The following ZNF174 variants were observed in gnomAD, a reference collection of about 807,000 sequenced individuals.
ZNF174 encodes the protein zinc finger protein 174.
Under a neutral mutation model 38.7 loss-of-function variants are expected in ZNF174, and 30 were observed. That is an observed-to-expected ratio of 0.78 (90% CI 0.58 to 1.05). ZNF174 has a LOEUF of 1.05. ZNF174 is among the 50% of genes least tolerant of loss of function. The pLI is 0.00. For missense variants in ZNF174, 499 were observed against 495.6 expected, an observed-to-expected ratio of 1.01 and a Z score of -0.06; for synonymous variants, 201 against 181.7, an observed-to-expected ratio of 1.11 and a Z score of -0.86.
intron 2 of ZNF174, among the ~76,000 whole-genome samples, chr16:3,406,000 C>A (rs1050288012): frequency 1.3e-5 from 2 of 152,098 alleles, no homozygotes; most frequent in East Asian, 3.9e-4. Flanking sequence ...AAAGTAAGAC[C>A]CTGTCTCAAA....
At chr16:3,404,097 G>A (rs983491804) in intron 1 of ZNF174, among the ~76,000 whole-genome samples, 2 of 152,128 alleles carry the variant, frequency 1.3e-5, no homozygotes, top group African/African-American at 4.8e-5. Flanking sequence ...GTAGGTGGGG[G>A]GTGGTGTGTA....
At chr16:3,407,363 C>T (rs1012399276) in intron 2 of ZNF174, among the ~76,000 whole-genome samples, 6 of 152,164 alleles carry the variant, frequency 3.9e-5, no homozygotes, top group Non-Finnish European at 7.3e-5. Context: ...GGTCCAACTT[C>T]ATTCTCTTGT....
chr16:3,406,919 A>C (rs1460878843), intron 2 of ZNF174, among the ~76,000 whole-genome samples: 1 of 151,782 alleles, frequency 6.6e-6, no homozygotes, highest in Non-Finnish European at 1.5e-5. Flanking sequence ...TATTTGGTCC[A>C]TTTTAAGTTT....
In ZNF174 at chr16:3,408,389, T is replaced by C. The variant is rs762523253; in HGVS notation, c.694T>C (p.Cys232Arg). Reference protein sequence around the residue: ...QQEGAKGAKPCAVSAGRSKGN... With the variant: ...QQEGAKGAKPRAVSAGRSKGN... ...GGAAGGGGCTAAAGGAGCAAAGCCA[T>C]GTGCAGTGTCAGCTGGCAGATCCAA... Residue 232 changes from cysteine (C) to arginine (R), a missense_variant, in exon 3 of 3, where the codon TGT (cysteine) becomes CGT (arginine). Cys to Arg is a radical substitution (Grantham distance 180, BLOSUM62 -3). Transcript: ENST00000268655. The C allele has an allele frequency of 6.8e-6, 11 of 1,614,136 alleles. No homozygotes were observed. Among genetic ancestry groups the C allele is most frequent in the African/African-American group, 1.3e-5 (1 of 75,032 alleles).
At position 3,402,303 on chromosome 16, in the gene ZNF174, C is replaced by G; in HGVS notation, c.299C>G (p.Pro100Arg). The G allele has an allele frequency of 6.2e-7, 1 of 1,614,042 alleles. No homozygotes were observed. The part of the protein sequence containing the change: ...VMEQFLTILP[P>R]EIQARVRHRC... ...GAGCAGTTCCTGACCATCCTGCCCC[C>G]GGAGATCCAGGCTCGGGTCAGGCAT... The change falls in exon 1 of 3, where the codon CCG becomes CGG. Residue 100 changes from proline (P) to arginine (R), a missense_variant. Physicochemically the swap from Pro to Arg is moderately radical, Grantham distance 103 (BLOSUM62 -2). Coordinates refer to ENST00000268655, the MANE Select transcript of ZNF174 (RefSeq NM_003450.3).
chr16:3,406,803 T>G (rs540589107), intron 2 of ZNF174, among the ~76,000 whole-genome samples: 19 of 152,332 alleles, frequency 1.2e-4, no homozygotes, highest in African/African-American at 4.1e-4. Flanking sequence ...TTTTCTTTCT[T>G]TATGCTTTGG....
rs1257428029 is a variant in ZNF174, at chr16:3,409,174, G to A, written c.*255G>A. The A allele has an allele frequency of 4.2e-6, 2 of 478,098 alleles. No individual in the cohort carries two copies. The highest frequency in any genetic ancestry group is 2.7e-5 in the South Asian group (1 of 36,382). 29.6% of individuals were successfully genotyped at this position (478,098 alleles called of 1,614,324 possible). ...CTTAAGTCTCTGCAGAGAGCAAGGAGTAACTACTGAGAGAGAATCAGGACA... is the reference window on the plus strand; with the variant it reads ...CTTAAGTCTCTGCAGAGAGCAAGGAATAACTACTGAGAGAGAATCAGGACA... On this transcript the variant is annotated 3_prime_UTR_variant, in exon 3 of 3. Transcript: ENST00000268655.
chr16:3,406,551 T>G (rs1290786258), intron 2 of ZNF174, among the ~76,000 whole-genome samples: 1 of 152,260 alleles, frequency 6.6e-6, no homozygotes, highest in Non-Finnish European at 1.5e-5. Context: ...GAACATCTTT[T>G]CATGTGCTTA....
chr16:3,406,442 A>G (rs1193910977), intron 2 of ZNF174, among the ~76,000 whole-genome samples: 2 of 152,196 alleles, frequency 1.3e-5, no homozygotes, highest in Non-Finnish European at 2.9e-5. Flanking sequence ...ATTTCTCCAC[A>G]TTCTTGCTAG....
At chr16:3,404,183 C>G (rs543682224) in intron 1 of ZNF174, among the ~76,000 whole-genome samples, 37 of 152,306 alleles carry the variant, frequency 2.4e-4, no homozygotes, top group Non-Finnish European at 1.3e-4. Context: ...GACTTTGACT[C>G]TGGCCCTTGA....
chr16:3,404,581 G>A lies in ZNF174; in HGVS notation c.558G>A (p.Arg186=). The A allele has an allele frequency of 6.2e-7, 1 of 1,614,182 alleles. No individual in the cohort carries two copies. ...CTTCCCAGGCAGGAGCTTATGACCG[G>A]CTGAGCCCCCATCATTGGGAGAAAT... ...AEPSQAGAYD[R]LSPHHWEKSP... Residue 186 remains arginine, a synonymous_variant, in exon 2 of 3, where the codon CGG becomes CGA. Coordinates refer to ENST00000268655, the MANE Select transcript of ZNF174 (RefSeq NM_003450.3).
chr16:3,401,600 T>G lies in ZNF174; in HGVS notation c.-405T>G. ...CGGTTTCCGCCAGGATGCGGGAGAG[T>G]TGGGGCAAGCTACCTGCGACAGCTT... On this transcript the variant is annotated 5_prime_UTR_variant, in exon 1 of 3. Transcript: ENST00000268655. The G allele has an allele frequency of 5.4e-6, 1 of 185,074 alleles. No homozygotes were observed. The highest frequency in any genetic ancestry group is 1.1e-5 in the Non-Finnish European group (1 of 89,100). The allele number at this position is 185,074 out of a possible 1,614,324, so 11.5% of individuals were successfully genotyped here.
At chr16:3,405,114 A>T (rs887603710) in intron 2 of ZNF174, 33 of 1,445,800 alleles carry the variant, frequency 2.3e-5, no homozygotes, top group Non-Finnish European at 3.0e-5. Context: ...CTCTGGTGTG[A>T]TACTTGTGTA....
chr16:3,406,193 T>C (rs1003424276), intron 2 of ZNF174, among the ~76,000 whole-genome samples: 2 of 152,254 alleles, frequency 1.3e-5, no homozygotes, highest in South Asian at 4.1e-4. Flanking sequence ...TCATGTTGGT[T>C]CATCTGTTCA....
At position 3,402,420 on chromosome 16, in the gene ZNF174, T is replaced by G. The variant is rs2033942525; in HGVS notation, c.402+14T>G. On this transcript the variant is annotated intron_variant, in intron 1 of 2. Transcript: ENST00000268655. ...CCAAAGCAGTGGGTAAGGAGGGTCCTCTCCCATCATCCTGGGGATTTCTTT... is the reference window on the plus strand; with the variant it reads ...CCAAAGCAGTGGGTAAGGAGGGTCCGCTCCCATCATCCTGGGGATTTCTTT... 2.5e-6 allele frequency: 4 copies of G among 1,580,688 alleles called. No homozygotes were observed. Among genetic ancestry groups the G allele is most frequent in the Admixed American group, 2.0e-5 (1 of 49,310 alleles).
Position 3,408,914 on chromosome 16 carries a change from GA to G in ZNF174, c.1220del (p.Asp407AlafsTer25), listed in dbSNP as rs1204708995. 6.2e-7 allele frequency: 1 copy of G among 1,604,436 alleles called. No individual in the cohort carries two copies. Among genetic ancestry groups the G allele is most frequent in the Non-Finnish European group, 8.5e-7 (1 of 1,174,294 alleles). On this transcript the variant is annotated frameshift_variant, in exon 3 of 3. Coordinates refer to ENST00000268655, the MANE Select transcript of ZNF174 (RefSeq NM_003450.3). LOFTEE classifies it high-confidence loss of function. ...LHQHHRLHHG[D>X] ...CCAGCATCACCGACTTCACCATGGG[GA>G]CTAAAAGGAGCACTCCATGCTTTAG...
rs753071209 is a variant in ZNF174, at chr16:3,403,150, C to CTTT, written c.402+779_402+781dup. Among the ~76,000 whole-genome samples the CTTT allele has an allele frequency of 9.7e-5, 3 of 30,938 alleles. 1 individual carries two copies. The highest frequency in any genetic ancestry group is 4.4e-4 in the African/African-American group (3 of 6,866). The allele number at this position is 30,938 out of a possible 152,430, so 20.3% of individuals were successfully genotyped here. A position where few individuals can be genotyped will look rare whatever the true frequency, so the allele number is the denominator to read the frequency against. On this transcript the variant is annotated intron_variant, in intron 1 of 2. Transcript: ENST00000268655. ...GTCTTTCCAGTGTTTAGCTTATAGT[C>CTTT]TTTTTTTTTTTTTTTTTTTTTTTTT...
At chr16:3,408,291 G>A in intron 2 of ZNF174, 30 bp from the exon 3 acceptor site, 1 of 1,537,638 alleles carries the variant, frequency 6.5e-7, no homozygotes, top group Non-Finnish European at 8.7e-7. Context: ...TCCAAGTGCA[G>A]AAAATGAAGC....
Position 3,408,571 on chromosome 16 carries a change from C to T in ZNF174, c.876C>T (p.His292=). 1 of 1,614,134 alleles carries T rather than the reference C, an allele frequency of 6.2e-7. No individual in the cohort carries two copies. The highest frequency in any genetic ancestry group is 8.5e-7 in the Non-Finnish European group (1 of 1,180,030). ...ACATCAGCAGCCCCCTAAAAAGCCA[C>T]CCACTGAGAGAGCTAAAGAAAAGCA... ...VEYISSPLKS[H]PLRELKKSKG... is the part of the protein sequence containing the mutation. The change falls in exon 3 of 3, where the codon CAC becomes CAT. Residue 292 remains histidine, a synonymous_variant. Coordinates refer to ENST00000268655, the MANE Select transcript of ZNF174 (RefSeq NM_003450.3).
Sources: allele counts gnomAD v4.1 joint callset (sites outside exome capture counted in the v4.1 genomes callset), GRCh38; gene constraint gnomAD v4.1.1; transcripts MANE v1.5; gene names NCBI Gene and HGNC (gene_info 2026-07-23, HGNC 2026-07-21).